KIN: variants seen among roughly 807,000 people sequenced by gnomAD.
KIN encodes the protein Kin17 DNA and RNA binding protein, also known as DNA/RNA-binding protein KIN17.
Under a neutral mutation model 63.0 loss-of-function variants are expected in KIN, and 47 were observed. The observed-to-expected ratio is 0.75, with a 90% CI of 0.59 to 0.95. KIN has a LOEUF of 0.95. Among genes scored for constraint, KIN ranks in the 40% least tolerant of loss-of-function variants. KIN has a pLI of 0.00. For missense variants in KIN, 408 were observed against 460.9 expected, an observed-to-expected ratio of 0.89 and a Z score of 1.05; for synonymous variants, 160 against 157.7, an observed-to-expected ratio of 1.01 and a Z score of -0.11.
intron 1 of KIN, among the ~76,000 whole-genome samples, chr10:7,785,550 T>C (rs1430404350): frequency 6.6e-6 from 1 of 152,090 alleles, no homozygotes; most frequent in East Asian, 1.9e-4. Context: ...CCCAGCACCT[T>C]GGGAGGCCGA....
At chr10:7,781,147 G>C (rs1361156404) in intron 2 of KIN, among the ~76,000 whole-genome samples, 1 of 152,218 alleles carries the variant, frequency 6.6e-6, no homozygotes, top group Non-Finnish European at 1.5e-5. Context: ...AAATACCATT[G>C]AAAGAGTCAC....
chr10:7,776,131 G>A (rs1835765600), intron 5 of KIN, among the ~76,000 whole-genome samples: 1 of 151,592 alleles, frequency 6.6e-6, no homozygotes, highest in Non-Finnish European at 1.5e-5. Context: ...TCAGGAGGCT[G>A]AGGCAGGAGA....
chr10:7,782,688 C>T (rs749919629), intron 2 of KIN, among the ~76,000 whole-genome samples: 3 of 152,054 alleles, frequency 2.0e-5, no homozygotes, highest in Admixed American at 6.6e-5. Flanking sequence ...TGAGCCACCT[C>T]GCCTGGCTTC....
intron 12 of KIN, 61 bp downstream of exon 12, chr10:7,759,829 A>C (rs78238909): frequency 4.6e-6 from 4 of 869,762 alleles, no homozygotes; most frequent in Non-Finnish European, 7.5e-6. Context: ...TCCAATTAAA[A>C]AAAACTATGG....
At chr10:7,783,259 A>T in intron 1 of KIN, 84 bp from the exon 2 acceptor site, 1 of 585,960 alleles carries the variant, frequency 1.7e-6, no homozygotes, top group Non-Finnish European at 2.8e-6. Flanking sequence ...AAACCCAAAA[A>T]ATCTGCTCTT....
At chr10:7,766,964 A>G (rs1835556857) in intron 8 of KIN, among the ~76,000 whole-genome samples, 1 of 151,226 alleles carries the variant, frequency 6.6e-6, no homozygotes, top group Non-Finnish European at 1.5e-5. Context: ...CGGAGGTTGC[A>G]GTGAGCCGAG....
intron 5 of KIN, 136 bp downstream of exon 5, chr10:7,778,702 G>A (rs61833184): frequency 1.1e-6 from 1 of 872,974 alleles, no homozygotes; most frequent in South Asian, 1.7e-5. Flanking sequence ...TTGCGCTACT[G>A]CACTCCAGCC....
Position 7,754,365 on chromosome 10 carries a change from T to A in KIN, c.*1715A>T, listed in dbSNP as rs1209999820. On this transcript the variant is annotated 3_prime_UTR_variant, in exon 13 of 13. Coordinates refer to ENST00000379562, the MANE Select transcript of KIN (RefSeq NM_012311.4). ...ACAGAACAAAAAAAAAGAGGCGTAG[T>A]GGCTCATGCCTGTAATCCCAGCACT... The A allele has an allele frequency of 7.5e-6, 2 of 268,042 alleles. No individual in the cohort carries two copies. The highest frequency in any genetic ancestry group is 4.5e-5 in the African/African-American group (2 of 44,194). 16.6% of individuals were successfully genotyped at this position (268,042 alleles called of 1,614,324 possible).
chr10:7,757,088 T>C (rs114274363), intron 12 of KIN, among the ~76,000 whole-genome samples: 5 of 152,336 alleles, frequency 3.3e-5, no homozygotes, highest in African/African-American at 7.2e-5. Flanking sequence ...GTCTGTATGA[T>C]TGGGTTGTTG....
intron 8 of KIN, among the ~76,000 whole-genome samples, chr10:7,766,621 C>A (rs967306139): frequency 7.2e-5 from 11 of 151,934 alleles, no homozygotes; most frequent in African/African-American, 2.4e-5. Flanking sequence ...AGCTGTGGGG[C>A]TGTATGGCGA....
At position 7,769,201 on chromosome 10, in the gene KIN, A is replaced by G. The variant is rs2131004160; in HGVS notation, c.798+15T>C. The G allele has an allele frequency of 6.2e-7, 1 of 1,600,416 alleles. No homozygotes were observed. ...TTGGGTTCTAAGGTGTCCACACGCA[A>G]TCCATAAACTGTACCTCCATGATTT... On this transcript the variant is annotated intron_variant, in intron 8 of 12. Transcript: ENST00000379562.
At position 7,787,920 on chromosome 10, in the gene KIN, T is replaced by G; in HGVS notation, c.14A>C (p.Asp5Ala). 6.2e-7 allele frequency: 1 copy of G among 1,613,382 alleles called. No homozygotes were observed. Among genetic ancestry groups the G allele is most frequent in the Non-Finnish European group, 8.5e-7 (1 of 1,179,328 alleles). ...GGCGATAGCCTTGGGAGTAAGAAAA[T>G]CCGACTTCCCCATGGCGACCACGGC... The part of the protein sequence containing the change: MGKS[D>A]FLTPKAIANR... Residue 5 changes from aspartate (D) to alanine (A), a missense_variant, in exon 1 of 13, where the codon GAT becomes GCT. Asp to Ala is a moderately radical substitution (Grantham distance 126). Transcript: ENST00000379562.
chr10:7,780,012 T>A, intron 4 of KIN, 44 bp downstream of exon 4: 3 of 1,592,330 alleles, frequency 1.9e-6, no homozygotes, highest in East Asian at 2.2e-5. Flanking sequence ...CCTATGAAGA[T>A]TAGAAGTGGG....
intron 8 of KIN, among the ~76,000 whole-genome samples, chr10:7,768,519 T>C (rs1835597800): frequency 6.7e-6 from 1 of 149,488 alleles, no homozygotes; most frequent in Non-Finnish European, 1.5e-5. Context: ...AGAGAGACTG[T>C]CTCAACAACA....
intron 11 of KIN, chr10:7,761,423 A>T (rs898336897): frequency 6.6e-6 from 1 of 152,216 alleles, no homozygotes; most frequent in African/African-American, 2.4e-5. Flanking sequence ...TCAGATACGG[A>T]TAAGTTTCCA....
intron 2 of KIN, among the ~76,000 whole-genome samples, chr10:7,781,977 G>C (rs909671160): frequency 6.6e-6 from 1 of 152,036 alleles, no homozygotes; most frequent in Non-Finnish European, 1.5e-5. Context: ...AGAATTGCTT[G>C]AACCCAGGAG....
In KIN at chr10:7,756,146, C is replaced by T; in HGVS notation, c.1120-4G>A. On this transcript the variant is annotated splice_region_variant and splice_polypyrimidine_tract_variant and intron_variant, in intron 12 of 12. Coordinates refer to ENST00000379562, the MANE Select transcript of KIN (RefSeq NM_012311.4). ...CTCTGCGTCCTTTTAAAGGGCCCTA[C>T]AAATTAAAATAATTTAAAATAAGGT... The T allele has an allele frequency of 6.5e-7, 1 of 1,536,520 alleles. No individual in the cohort carries two copies. The highest frequency in any genetic ancestry group is 8.8e-7 in the Non-Finnish European group (1 of 1,131,352).
At chr10:7,765,709 C>T (rs1367805279) in intron 9 of KIN, among the ~76,000 whole-genome samples, 4 of 152,172 alleles carry the variant, frequency 2.6e-5, no homozygotes, top group Non-Finnish European at 4.4e-5. Context: ...AAAACCAACA[C>T]TTGGGCATTT....
chr10:7,758,891 T>C (rs769467017), intron 12 of KIN, among the ~76,000 whole-genome samples: 75 of 151,858 alleles, frequency 4.9e-4, no homozygotes, highest in Non-Finnish European at 1.0e-3. Context: ...TAGTAACAGT[T>C]AGCAAGTAAC....
Sources: allele counts gnomAD v4.1 joint callset (sites outside exome capture counted in the v4.1 genomes callset), GRCh38; gene constraint gnomAD v4.1.1; transcripts MANE v1.5; gene names NCBI Gene and HGNC (gene_info 2026-07-23, HGNC 2026-07-21).